Variants in DCHS2 observed in about 807,000 individuals in gnomAD.
DCHS2 encodes the protein protocadherin-23.
In DCHS2, 142 loss-of-function variants were observed where a neutral mutation model predicts 182.4. The observed-to-expected ratio is 0.78, with a 90% confidence interval of 0.68 to 0.89. The LOEUF (loss-of-function observed/expected upper bound fraction) is 0.89. Among genes scored for constraint, DCHS2 ranks in the 40% least tolerant of loss-of-function variants. The probability of loss-of-function intolerance (pLI) is 0.00; values close to 1 mark genes in which losing one functional copy is unlikely to be tolerated. For missense variants in DCHS2, 4,319 were observed against 4,198.6 expected (o/e 1.03, Z -0.79); for synonymous variants, 1,740 against 1,663.3 (o/e 1.05, Z -1.12).
At chr4:154,339,805 C>A (rs1259295469) in intron 3 of DCHS2, among the ~76,000 whole-genome samples, 1 of 152,034 alleles carries the variant, frequency 6.6e-6, no homozygotes, top group Non-Finnish European at 1.5e-5. Flanking sequence ...TTCATGAAAA[C>A]CTGCTGAGAA....
Position 154,366,266 on chromosome 4 carries a change from G to A in DCHS2, c.2420C>T (p.Ala807Val). 6.2e-7 allele frequency: 1 copy of A among 1,613,796 alleles called. No homozygotes were observed. The highest frequency in any genetic ancestry group is 1.1e-5 in the South Asian group (1 of 91,052). Residue 807 changes from alanine to valine, a missense_variant, in exon 3 of 20, where the codon GCT becomes GTT. By Grantham distance (64) the Ala-to-Val change is moderately conservative. Coordinates refer to ENST00000357232, the MANE Select transcript of DCHS2 (RefSeq NM_001358235.2). ...CACGTTTCCTGGAATAAGCTCATAA[G>A]CCACTGTCCCATATATCCCAGAGTC... ...DQDSGIYGTVAYELIPGNVSS... is the reference protein window; with the variant it reads ...DQDSGIYGTVVYELIPGNVSS...
intron 13 of DCHS2, among the ~76,000 whole-genome samples, chr4:154,279,490 C>G (rs1294853847): frequency 6.6e-6 from 1 of 151,820 alleles, no homozygotes; most frequent in African/African-American, 2.4e-5. Context: ...AAGTTAAAAA[C>G]TATCACAAGA....
rs1735219803 is a variant in DCHS2 at position 154,465,865 on chromosome 4, A to T, written c.2052+23439T>A. Among the ~76,000 whole-genome samples the T allele has an allele frequency of 2.6e-5, 4 of 152,146 alleles. No individual in the cohort carries two copies. The South Asian group carries it at 8.3e-4, about 32-fold the overall frequency. Reference sequence around the variant, plus strand: ...ACAGCTTTTCAAACACAATATCCACATACAATCAAAGGTAACCAGGAATAC... The same window carrying T: ...ACAGCTTTTCAAACACAATATCCACTTACAATCAAAGGTAACCAGGAATAC... On this transcript the variant is annotated intron_variant, in intron 1 of 19. Coordinates refer to ENST00000357232, the MANE Select transcript of DCHS2 (RefSeq NM_001358235.2).
intron 1 of DCHS2, among the ~76,000 whole-genome samples, chr4:154,400,369 T>C (rs1732120000): frequency 6.8e-6 from 1 of 148,018 alleles, no homozygotes; most frequent in African/African-American, 2.5e-5. Context: ...TAAGGACCCC[T>C]GCAGAATGTC....
At chr4:154,475,815 A>G (rs1579117894) in intron 1 of DCHS2, among the ~76,000 whole-genome samples, 1 of 152,166 alleles carries the variant, frequency 6.6e-6, no homozygotes, top group African/African-American at 2.4e-5. Context: ...ATTATCTTCA[A>G]TTCTCAAAAT....
chr4:154,394,209 A>G (rs921554663), intron 1 of DCHS2, among the ~76,000 whole-genome samples: 6 of 152,142 alleles, frequency 3.9e-5, no homozygotes, highest in Non-Finnish European at 8.8e-5. Flanking sequence ...ATCTTACTCT[A>G]GGCCAGACTA....
At chr4:154,337,967 C>T (rs894540151) in intron 3 of DCHS2, among the ~76,000 whole-genome samples, 3 of 152,080 alleles carry the variant, frequency 2.0e-5, no homozygotes, top group African/African-American at 7.2e-5. Context: ...TCTCGAACTC[C>T]TGACGTGATT....
chr4:154,410,571 T>C (rs1395936950), intron 1 of DCHS2, among the ~76,000 whole-genome samples: 3 of 65,186 alleles, frequency 4.6e-5, no homozygotes, highest in Non-Finnish European at 7.6e-5. Flanking sequence ...CAAGACTCCA[T>C]CTCAAAAAAA....
chr4:154,323,028 C>A, intron 7 of DCHS2: 1 of 603,546 alleles, frequency 1.7e-6, no homozygotes, highest in Non-Finnish European at 2.7e-6. Context: ...AAATAAAGTC[C>A]ATATATTGCA....
chr4:154,345,703 G>C (rs573267390), intron 3 of DCHS2, among the ~76,000 whole-genome samples: 1 of 152,298 alleles, frequency 6.6e-6, no homozygotes, highest in Admixed American at 6.5e-5. Context: ...TGAGAGCAAG[G>C]ACTGTGTCTG....
chr4:154,483,161 A>C (rs551665312), intron 1 of DCHS2, among the ~76,000 whole-genome samples: 5 of 152,318 alleles, frequency 3.3e-5, no homozygotes, highest in Admixed American at 6.5e-5. Context: ...ATATGTATAC[A>C]TGTATGGAAG....
chr4:154,309,853 G>T (rs1022022978), intron 10 of DCHS2, among the ~76,000 whole-genome samples: 2 of 152,186 alleles, frequency 1.3e-5, no homozygotes, highest in African/African-American at 2.4e-5. Context: ...ACCAAATGGC[G>T]CTGACTTTGA....
chr4:154,342,661 T>C lies in DCHS2; in HGVS notation c.2477-7557A>G, dbSNP rs552041289. 2.6e-5 allele frequency among the ~76,000 whole-genome samples: 4 copies of C among 152,344 alleles called. No homozygotes were observed. In the East Asian group the frequency reaches 7.7e-4, roughly 29 times the overall value. On this transcript the variant is annotated intron_variant, in intron 3 of 19. Coordinates refer to ENST00000357232, the MANE Select transcript of DCHS2 (RefSeq NM_001358235.2). ...ATTAGTTTAAGTGTTATCATGAGAT[T>C]GCAGCAATTCTGTCACATCTTCAGG...
intron 1 of DCHS2, among the ~76,000 whole-genome samples, chr4:154,418,722 G>A (rs1034658721): frequency 2.0e-5 from 3 of 152,046 alleles, no homozygotes; most frequent in Non-Finnish European, 4.4e-5. Context: ...AATATAAAGG[G>A]AAAATAAAAG....
chr4:154,359,282 C>T (rs970062150), intron 3 of DCHS2, among the ~76,000 whole-genome samples: 2 of 151,800 alleles, frequency 1.3e-5, no homozygotes, highest in African/African-American at 4.8e-5. Context: ...CTGTTGTAAT[C>T]AAAAAATGTT....
In DCHS2 at chr4:154,234,940, G is replaced by A. The variant is rs2111077630; in HGVS notation, c.9712C>T (p.Leu3238Phe). 2 of 1,614,002 alleles carry A rather than the reference G, an allele frequency of 1.2e-6. No homozygotes were observed. Among genetic ancestry groups the A allele is most frequent in the African/African-American group, 1.3e-5 (1 of 75,042 alleles). Reference protein sequence around the residue: ...GKDNYHWNYLLSWEPKFQPLA... With the variant: ...GKDNYHWNYLFSWEPKFQPLA... ...GGTTGGAATTTGGGCTCCCAACTAA[G>A]AAGATAATTCCAGTGATAGTTGTCT... Residue 3238 changes from leucine to phenylalanine, a missense_variant, in exon 20 of 20, where the codon CTT (leucine) becomes TTT (phenylalanine). By Grantham distance (22) the Leu-to-Phe change is conservative. Coordinates refer to ENST00000357232, the MANE Select transcript of DCHS2 (RefSeq NM_001358235.2).
intron 5 of DCHS2, chr4:154,331,509 T>C: frequency 6.7e-7 from 1 of 1,498,616 alleles, no homozygotes; most frequent in South Asian, 1.3e-5. Context: ...TGAATGAGAG[T>C]GGAAAGGCAG....
At chr4:154,323,212 A>G (rs1361023225) in intron 7 of DCHS2, 2 of 1,549,966 alleles carry the variant, frequency 1.3e-6, no homozygotes, top group South Asian at 2.4e-5. Context: ...TTAAATTGGG[A>G]GGCAGATCTA....
chr4:154,311,409 T>C (rs889509953), intron 10 of DCHS2, among the ~76,000 whole-genome samples: 1 of 151,926 alleles, frequency 6.6e-6, no homozygotes, highest in African/African-American at 2.4e-5. Context: ...TTTTTATATT[T>C]TTTTTTGTAA....
Sources: gnomAD v4.1 joint callset for allele counts (sites outside exome capture counted in the v4.1 genomes callset) on GRCh38, gnomAD v4.1.1 for gene constraint, MANE v1.5 for transcripts, NCBI Gene and HGNC (gene_info 2026-07-23, HGNC 2026-07-21) for gene names.